Variants in KCP observed in about 807,000 individuals in gnomAD.
KCP encodes the protein kielin cysteine rich BMP regulator.
In KCP, 194 loss-of-function variants were observed where a neutral mutation model predicts 212.7. The ratio of observed to expected loss-of-function variants is 0.91; its 90% confidence interval spans 0.81 to 1.03. The LOEUF (loss-of-function observed/expected upper bound fraction) is 1.03, where lower values mean the gene tolerates loss of function less well. Among genes scored for constraint, KCP ranks in the 50% least tolerant of loss-of-function variants. The pLI, the probability that KCP is intolerant of heterozygous loss-of-function variation, is 0.00. For synonymous variants in KCP, 833 were observed against 865.3 expected, an observed-to-expected ratio of 0.96 and a Z score of 0.65; for missense variants, 2,080 against 2,162.5, an observed-to-expected ratio of 0.96 and a Z score of 0.76.
chr7:128,892,933 C>T lies in KCP; in HGVS notation c.1356G>A (p.Gly452=). 2 of 1,478,858 alleles carry T rather than the reference C, an allele frequency of 1.4e-6. No individual in the cohort carries two copies. Among genetic ancestry groups the T allele is most frequent in the South Asian group, 1.2e-5 (1 of 82,744 alleles). The allele number at this position is 1,478,858 out of a possible 1,614,324, so 91.6% of individuals were successfully genotyped here. A position where few individuals can be genotyped will look rare whatever the true frequency, so the allele number is the denominator to read the frequency against. ...RPCTACVCQD[G]VPKCGAVLCP... ...AGAGCACAGCCCCGCACTTGGGTAC[C>T]CCATCTTGACAGACGCAGGCGGTGC... The change falls in exon 14 of 40, where the codon GGG becomes GGA. Residue 452 remains glycine, a synonymous_variant. Coordinates refer to ENST00000610776, the MANE Select transcript of KCP (RefSeq NM_001366122.1).
At chr7:128,903,458 T>C (rs1794962885) in intron 7 of KCP, 7 of 530,830 alleles carry the variant, frequency 1.3e-5, no homozygotes, top group African/African-American at 1.9e-5. Flanking sequence ...TGACCCCATG[T>C]CTCATGATTG....
At chr7:128,909,414 A>T (rs1304174270) in intron 1 of KCP, among the ~76,000 whole-genome samples, 1 of 152,116 alleles carries the variant, frequency 6.6e-6, no homozygotes, top group Admixed American at 6.5e-5. Flanking sequence ...GAGACAGGGG[A>T]ACAATGTCAC....
In KCP at chr7:128,877,738, T is replaced by G. The variant is rs1793080551; in HGVS notation, c.4364A>C (p.Asp1455Ala). The G allele has an allele frequency of 1.3e-6, 2 of 1,550,704 alleles. No homozygotes were observed. Among genetic ancestry groups the G allele is most frequent in the African/African-American group, 2.7e-5 (2 of 73,052 alleles). Residue 1455 changes from aspartate (D) to alanine (A), a missense_variant, in exon 39 of 40, where the codon GAT becomes GCT. By Grantham distance (126) the Asp-to-Ala change is moderately radical (BLOSUM62 -2). Transcript: ENST00000610776. Reference sequence around the variant, plus strand: ...ACGGTAACCTGCTGCCCGGCACGGATCCACCTCTCGGCCTGCAGAACAGGG... The same window carrying G: ...ACGGTAACCTGCTGCCCGGCACGGAGCCACCTCTCGGCCTGCAGAACAGGG... ...GRPCSAGREV[D>A]PCRAAGYRAR...
intron 26 of KCP, 134 bp downstream of exon 26, chr7:128,886,330 A>T: frequency 2.9e-6 from 2 of 689,402 alleles, no homozygotes; most frequent in South Asian, 3.9e-5. Context: ...TGAAGGTGGC[A>T]AGGGTGTATG....
At chr7:128,888,820 G>C in intron 22 of KCP, 43 bp downstream of exon 22, 1 of 1,527,532 alleles carries the variant, frequency 6.5e-7, no homozygotes, top group African/African-American at 1.4e-5. Flanking sequence ...AAGGCACCCC[G>C]GGAGCCCCAG....
chr7:128,884,099 G>C lies in KCP; in HGVS notation c.3147C>G (p.Ser1049Arg), dbSNP rs1279731933. The C allele has an allele frequency of 1.9e-6, 3 of 1,545,216 alleles. No individual in the cohort carries two copies. Among genetic ancestry groups the C allele is most frequent in the Non-Finnish European group, 2.6e-6 (3 of 1,145,530 alleles). Residue 1049 changes from serine (S) to arginine (R), a missense_variant, in exon 29 of 40, where the codon AGC (serine) becomes AGG (arginine). Ser to Arg is a moderately radical substitution (Grantham distance 110). Coordinates refer to ENST00000610776, the MANE Select transcript of KCP (RefSeq NM_001366122.1). ...GACACTGCCGCCGGTGACAGCGAAG[G>C]CTGGGAGGCCCCTCAGGCTGTGGCT... Reference protein sequence around the residue: ...ICEPQPEGPPSLRCHRRQCPS... With the variant: ...ICEPQPEGPPRLRCHRRQCPS...
At chr7:128,885,070 TC>T (rs768556611) in intron 27 of KCP, 26 bp downstream of exon 27, 316 of 1,550,120 alleles carry the variant, frequency 2.0e-4, no homozygotes, top group Non-Finnish European at 2.5e-4. Context: ...TCCTCGCCTT[TC>T]CCCTCCCGCC....
rs1275207706 is a variant in KCP at position 128,891,531 on chromosome 7, A to G, written c.1798T>C (p.Cys600Arg). 3.3e-5 allele frequency: 51 copies of G among 1,548,294 alleles called. No individual in the cohort carries two copies. The highest frequency in any genetic ancestry group is 4.5e-5 in the Non-Finnish European group (51 of 1,145,432). The change falls in exon 18 of 40, where the codon TGT becomes CGT. Residue 600 changes from cysteine (C) to arginine (R), a missense_variant and splice_region_variant. Coordinates refer to ENST00000610776, the MANE Select transcript of KCP (RefSeq NM_001366122.1). ...GGGTACTCTTTCCCGCCAAAGGCAC[A>G]GCCTGGGGGAGGGAGGGGCTATAGC... ...GTCCPNDCSG[C>R]AFGGKEYPSG... is the part of the protein sequence containing the mutation.
chr7:128,892,769 G>C lies in KCP; in HGVS notation c.1446C>G (p.Ser482Arg). Residue 482 changes from serine to arginine, a missense_variant, in exon 15 of 40, where the codon AGC becomes AGG. By Grantham distance (110) the Ser-to-Arg change is moderately radical (BLOSUM62 -1). Transcript: ENST00000610776. ...PPGACCPSCD[S>R]CTYHSQVYAN... ...CATACACTTGGCTGTGGTAGGTGCAGCTGTCACAGCTGGGGCAGCAGGCAC... is the reference window on the plus strand; with the variant it reads ...CATACACTTGGCTGTGGTAGGTGCACCTGTCACAGCTGGGGCAGCAGGCAC... 6.4e-7 allele frequency: 1 copy of C among 1,551,688 alleles called. No individual in the cohort carries two copies. The highest frequency in any genetic ancestry group is 8.7e-7 in the Non-Finnish European group (1 of 1,146,950).
At position 128,879,508 on chromosome 7, in the gene KCP, C is replaced by CCCTGGAGCCGCA. The variant is rs1191902390; in HGVS notation, c.4146+2_4146+13dup. 1.9e-5 allele frequency: 30 copies of CCCTGGAGCCGCA among 1,546,398 alleles called. No individual in the cohort carries two copies. The highest frequency in any genetic ancestry group is 2.4e-5 in the Non-Finnish European group (28 of 1,145,048). On this transcript the variant is annotated intron_variant, in intron 37 of 39. Coordinates refer to ENST00000610776, the MANE Select transcript of KCP (RefSeq NM_001366122.1). ...CCAGCAGGCAGCCCACCCAGACTCG[C>CCCTGGAGCCGCA]CCTGGAGCCGCACCTGGAGCCCGGG...
At chr7:128,893,928 G>A in intron 10 of KCP, 29 bp from the exon 11 acceptor site, 2 of 1,550,370 alleles carry the variant, frequency 1.3e-6, no homozygotes, top group Non-Finnish European at 1.7e-6. Context: ...CAGCACGCCA[G>A]AGGCAGGCCC....
At chr7:128,877,449 C>T (rs566344673) in intron 39 of KCP, 35 bp downstream of exon 39, 13 of 1,547,464 alleles carry the variant, frequency 8.4e-6, no homozygotes, top group Non-Finnish European at 1.1e-5. Context: ...CTGTGCTGAG[C>T]CTCCCCCAAC....
In KCP at chr7:128,877,761, G is replaced by A. The variant is rs575790424; in HGVS notation, c.4341C>T (p.Pro1447=). 4 of 1,550,048 alleles carry A rather than the reference G, an allele frequency of 2.6e-6. No homozygotes were observed. The South Asian group carries it at 4.8e-5, about 18-fold the overall frequency. The part of the protein sequence containing the change: ...QVSEGLWPGR[P]CSAGREVDPC... ...GATCCACCTCTCGGCCTGCAGAACA[G>A]GGCCGGCCAGGCCACAGCCCCTCTG... The change falls in exon 39 of 40, where the codon CCC becomes CCT. Residue 1447 remains proline, a synonymous_variant. Transcript: ENST00000610776.
chr7:128,888,187 G>C (rs1225681939), intron 22 of KCP, among the ~76,000 whole-genome samples: 2 of 125,668 alleles, frequency 1.6e-5, no homozygotes, highest in South Asian at 2.6e-4. Flanking sequence ...TATACACACA[G>C]TCACACATAC....
At chr7:128,882,755 A>AAAACAAAC (rs10611826) in intron 29 of KCP, among the ~76,000 whole-genome samples, 1 of 151,618 alleles carries the variant, frequency 6.6e-6, no homozygotes, top group East Asian at 2.0e-4. Context: ...ACCACCATAA[A>AAAACAAAC]AAACAAACAA....
chr7:128,892,068 CATGT>C (rs1794185080), intron 16 of KCP, among the ~76,000 whole-genome samples: 1 of 152,150 alleles, frequency 6.6e-6, no homozygotes, highest in Admixed American at 6.5e-5. Context: ...AGTGCTTACA[CATGT>C]GTGTACCTGT....
chr7:128,878,747 G>T, intron 37 of KCP, 25 bp from the exon 38 acceptor site: 1 of 1,543,502 alleles, frequency 6.5e-7, no homozygotes. Flanking sequence ...CTGAGACTGG[G>T]GAGCAGGGAA....
rs1321685131 is a variant in KCP at position 128,878,719 on chromosome 7, G to C, written c.4150C>G (p.Leu1384Val). The C allele has an allele frequency of 2.6e-6, 4 of 1,549,042 alleles. No individual in the cohort carries two copies. The highest frequency in any genetic ancestry group is 3.5e-6 in the Non-Finnish European group (4 of 1,146,856). ...TCCACCTGGGACTGCCCATCCCACA[G>C]CACCTGTGTGGAGAGGCCTGAGACT... ...ILHAQPGLQV[L>V]WDGQSQVEVS... The change falls in exon 38 of 40, where the codon CTG becomes GTG. Residue 1384 changes from leucine (L) to valine (V), a missense_variant. Coordinates refer to ENST00000610776, the MANE Select transcript of KCP (RefSeq NM_001366122.1).
At chr7:128,905,031 T>A (rs1198074866) in intron 5 of KCP, among the ~76,000 whole-genome samples, 1 of 151,876 alleles carries the variant, frequency 6.6e-6, no homozygotes. Context: ...GTCTTTTCTT[T>A]GTGTGTCTTT....
Sources: allele counts gnomAD v4.1 joint callset (sites outside exome capture counted in the v4.1 genomes callset), GRCh38; gene constraint gnomAD v4.1.1; transcripts MANE v1.5; gene names NCBI Gene and HGNC (gene_info 2026-07-23, HGNC 2026-07-21).